PCDH10: variants seen among roughly 807,000 people sequenced by gnomAD.
PCDH10 encodes protocadherin 10.
PCDH10 carries 15 observed loss-of-function variants against 74.4 expected under a neutral mutation model. The observed-to-expected ratio is 0.20, with a 90% CI of 0.13 to 0.31. The LOEUF (loss-of-function observed/expected upper bound fraction) is 0.31, where lower values mean the gene tolerates loss of function less well. Ranked by LOEUF, PCDH10 falls within the 10% of genes least tolerant of loss-of-function variation. The pLI, the probability that PCDH10 is intolerant of heterozygous loss-of-function variation, is 1.00. For missense variants in PCDH10, 1,260 were observed against 1,390.2 expected, an observed-to-expected ratio of 0.91 and a Z score of 1.49; for synonymous variants, 619 against 589.8, an observed-to-expected ratio of 1.05 and a Z score of -0.72.
chr4:133,205,051 T>G (rs1213481918), intron 2 of PCDH10, among the ~76,000 whole-genome samples: 2 of 152,106 alleles, frequency 1.3e-5, no homozygotes, highest in Non-Finnish European at 1.5e-5. Context: ...TGAAACCCAC[T>G]ATCAGGAAAC....
In PCDH10 at chr4:133,150,908, T is replaced by C. The variant is rs1578555469; in HGVS notation, c.768T>C (p.Thr256=). The part of the protein sequence containing the change: ...NVPAFDQPVY[T]VSLPENSPPG... The stretch of plus-strand genomic sequence containing the variant: ...CCGCTTTCGACCAACCCGTCTACAC[T>C]GTGTCCCTACCAGAGAACTCTCCCC... Residue 256 remains threonine, a synonymous_variant, in exon 1 of 5, where the codon ACT becomes ACC. Transcript: ENST00000264360. 3 of 1,613,186 alleles carry C rather than the reference T, an allele frequency of 1.9e-6. No individual in the cohort carries two copies. The highest frequency in any genetic ancestry group is 1.3e-5 in the African/African-American group (1 of 74,850).
chr4:133,155,115 T>C lies in PCDH10; in HGVS notation c.2797+92T>C, dbSNP rs1335308605. 5 of 816,428 alleles carry C rather than the reference T, an allele frequency of 6.1e-6. No individual in the cohort carries two copies. The African/African-American group carries it at 6.8e-5, about 11-fold the overall frequency. 50.6% of individuals were successfully genotyped at this position (816,428 alleles called of 1,614,324 possible). ...GGAAGGATGATGTCCTAGGCAATTT[T>C]CCATAGGTCTAATGCTGGTAACTCT... is the stretch of plus-strand genomic sequence containing the variant. On this transcript the variant is annotated intron_variant, in intron 3 of 4. Transcript: ENST00000264360.
chr4:133,206,680 G>C (rs1294032684), intron 2 of PCDH10, among the ~76,000 whole-genome samples: 3 of 152,042 alleles, frequency 2.0e-5, no homozygotes, highest in African/African-American at 7.2e-5. Context: ...TGTCATTGTA[G>C]CTTTTTCATT....
chr4:133,159,222 C>T (rs1726918828), intron 3 of PCDH10, among the ~76,000 whole-genome samples: 1 of 151,944 alleles, frequency 6.6e-6, no homozygotes, highest in South Asian at 2.1e-4. Context: ...AAAAGTAGCA[C>T]AAATTGAATT....
chr4:133,154,559 C>T (rs577754877), intron 2 of PCDH10, among the ~76,000 whole-genome samples, 194 bp downstream of exon 2: 15 of 152,224 alleles, frequency 9.9e-5, no homozygotes, highest in Non-Finnish European at 1.8e-4. Context: ...TTATATACAA[C>T]GCTTAAACTA....
chr4:133,201,523 T>C (rs1486131869), intron 2 of PCDH10, among the ~76,000 whole-genome samples: 1 of 152,012 alleles, frequency 6.6e-6, no homozygotes, highest in African/African-American at 2.4e-5. Flanking sequence ...AGTAAATCTG[T>C]GGGGCTGGGA....
At chr4:133,206,145 G>C (rs576946577) in intron 2 of PCDH10, among the ~76,000 whole-genome samples, 1 of 152,140 alleles carries the variant, frequency 6.6e-6, no homozygotes, top group African/African-American at 2.4e-5. Context: ...GGTCTTGTTA[G>C]ATAACCAAGA....
intron 4 of PCDH10, among the ~76,000 whole-genome samples, chr4:133,186,140 A>G (rs568955545): frequency 3.3e-5 from 5 of 152,262 alleles, no homozygotes; most frequent in Non-Finnish European, 7.4e-5. Context: ...AGAAAAATAT[A>G]CACCATGGAA....
At chr4:133,188,677 T>TTG (rs1268620830) in intron 4 of PCDH10, among the ~76,000 whole-genome samples, 5 of 140,962 alleles carry the variant, frequency 3.5e-5, no homozygotes, top group African/African-American at 1.3e-4. Context: ...TTTTTTTTTT[T>TTG]TTTTTTTTTT....
intron 4 of PCDH10, among the ~76,000 whole-genome samples, chr4:133,178,160 A>T (rs79619545): frequency 0.21 from 32,430 of 151,968 alleles, 3,665 homozygotes; most frequent in African/African-American, 0.25. Context: ...TTGAATAATA[A>T]TACCAATAGT....
At chr4:133,162,450 C>A (rs1363865936) in intron 3 of PCDH10, among the ~76,000 whole-genome samples, 1 of 152,102 alleles carries the variant, frequency 6.6e-6, no homozygotes. Flanking sequence ...TGCCACATTT[C>A]TGTTGAATTT....
exon 3 of PCDH10, chr4:133,208,432 C>G (rs2125879866): frequency 6.6e-6 from 1 of 152,194 alleles, no homozygotes; most frequent in South Asian, 2.1e-4. Flanking sequence ...TGTGATGTGG[C>G]CATTTTCAAA....
In PCDH10 at chr4:133,151,794, C is replaced by T; in HGVS notation, c.1654C>T (p.Gln552Ter). Residue 552 changes from glutamine to a stop codon, truncating the protein, a stop_gained, in exon 1 of 5, where the codon CAG becomes TAG. Transcript: ENST00000264360. LOFTEE classifies it high-confidence loss of function. The part of the protein sequence containing the change: ...QVEARDAGSP[Q>*]ALAGNATVNI... ...GGAAGCCCGGGACGCTGGCAGCCCC[C>T]AGGCGCTGGCTGGTAACGCCACTGT... 1 of 1,613,128 alleles carries T rather than the reference C, an allele frequency of 6.2e-7. No individual in the cohort carries two copies. The highest frequency in any genetic ancestry group is 8.5e-7 in the Non-Finnish European group (1 of 1,180,050).
chr4:133,174,915 T>C (rs1578569779), intron 4 of PCDH10, among the ~76,000 whole-genome samples: 2 of 151,508 alleles, frequency 1.3e-5, no homozygotes, highest in East Asian at 3.9e-4. Flanking sequence ...CATTGAATAA[T>C]GTAATATTTG....
downstream of PCDH10, among the ~76,000 whole-genome samples, chr4:133,195,942 T>C (rs981655178): frequency 6.6e-6 from 1 of 152,086 alleles, no homozygotes; most frequent in Non-Finnish European, 1.5e-5. Context: ...AATTTAAACT[T>C]ATTTAATGCT....
rs200972850 is a variant in PCDH10, at chr4:133,150,664, G to A, written c.524G>A (p.Gly175Glu). 7.4e-6 allele frequency: 12 copies of A among 1,613,026 alleles called. No homozygotes were observed. Among genetic ancestry groups the A allele is most frequent in the Non-Finnish European group, 1.0e-5 (12 of 1,179,982 alleles). Residue 175 changes from glycine to glutamate, a missense_variant, in exon 1 of 5, where the codon GGG becomes GAG. By Grantham distance (98) the Gly-to-Glu change is moderately conservative. Around this residue, in one of 11 missense-constraint regions of PCDH10, gnomAD observed 35 missense variants for 29.1 expected, o/e 1.20. Coordinates refer to ENST00000264360, the MANE Select transcript of PCDH10 (RefSeq NM_032961.3). The part of the protein sequence containing the change: ...SYFSLDVQTQ[G>E]DGNRFAELVL... The stretch of plus-strand genomic sequence containing the variant: ...TTCTCCCTGGACGTGCAGACCCAGG[G>A]GGATGGCAACCGATTCGCTGAGCTG...
At chr4:133,155,565 T>C (rs1210123636) in intron 3 of PCDH10, among the ~76,000 whole-genome samples, 1 of 152,190 alleles carries the variant, frequency 6.6e-6, no homozygotes, top group African/African-American at 2.4e-5. Flanking sequence ...ACAGAGTTTC[T>C]AATCTTGAGT....
chr4:133,165,298 C>A, intron 4 of PCDH10, among the ~76,000 whole-genome samples: 1 of 110,558 alleles, frequency 9.0e-6, no homozygotes, highest in South Asian at 2.7e-4. Flanking sequence ...CATGTCTAGA[C>A]TGGTTTTTTT....
chr4:133,153,927 C>T (rs1429114071), intron 1 of PCDH10: 1 of 174,652 alleles, frequency 5.7e-6, no homozygotes. Flanking sequence ...CTTGTGTCAA[C>T]CAGTATGCAC....
Sources: allele counts gnomAD v4.1 joint callset (sites outside exome capture counted in the v4.1 genomes callset), GRCh38; gene constraint gnomAD v4.1.1; regional missense constraint gnomAD v4.1.1; transcripts MANE v1.5; gene names NCBI Gene and HGNC (gene_info 2026-07-23, HGNC 2026-07-21).